The following KLHDC2 variants were observed in gnomAD, a reference collection of about 807,000 sequenced individuals.
KLHDC2 encodes kelch domain-containing protein 2.
KLHDC2 carries 38 observed loss-of-function variants against 62.3 expected under a neutral mutation model. The ratio of observed to expected loss-of-function variants is 0.61; its 90% CI spans 0.47 to 0.80. The LOEUF is 0.80. KLHDC2 is among the 30% of genes least tolerant of loss of function. The pLI, the probability that KLHDC2 is intolerant of heterozygous loss-of-function variation, is 0.00. For missense variants in KLHDC2, 430 were observed against 495.3 expected, an observed-to-expected ratio of 0.87 and a Z score of 1.25; for synonymous variants, 159 against 161.0, an observed-to-expected ratio of 0.99 and a Z score of 0.09.
chr14:49,781,894 T>TC (rs1309963146), intron 10 of KLHDC2, among the ~76,000 whole-genome samples: 1 of 152,174 alleles, frequency 6.6e-6, no homozygotes, highest in African/African-American at 2.4e-5. Flanking sequence ...CTGCATTTTT[T>TC]CCCCAAGTAT....
rs1889861426 is a variant in KLHDC2 at position 49,780,229 on chromosome 14, T to C, written c.790T>C (p.Cys264Arg). ...EWNELIPQGI[C>R]PVGRSWHSLT... Reference sequence around the variant, plus strand: ...TATTTTCAGAATTCCACAAGGCATATGCCCAGTTGGTCGATCTTGGCACTC... The same window carrying C: ...TATTTTCAGAATTCCACAAGGCATACGCCCAGTTGGTCGATCTTGGCACTC... Residue 264 changes from cysteine (C) to arginine (R), a missense_variant, in exon 9 of 13, where the codon TGC becomes CGC. By Grantham distance (180) the Cys-to-Arg change is radical (BLOSUM62 -3). Coordinates refer to ENST00000298307, the MANE Select transcript of KLHDC2 (RefSeq NM_014315.3). The C allele has an allele frequency of 1.2e-6, 2 of 1,610,002 alleles. No homozygotes were observed. The highest frequency in any genetic ancestry group is 1.6e-4 in the Middle Eastern group (1 of 6,062).
At position 49,780,697 on chromosome 14, in the gene KLHDC2, A is replaced by C. The variant is rs1389820228; in HGVS notation, c.884-6A>C. On this transcript the variant is annotated splice_region_variant and splice_polypyrimidine_tract_variant and intron_variant, in intron 9 of 12. Transcript: ENST00000298307. ...CTAACATACTTCATTTCTTTGCTTGAATCAGGTGATGCCTGGACTTACTGC... is the reference window on the plus strand; with the variant it reads ...CTAACATACTTCATTTCTTTGCTTGCATCAGGTGATGCCTGGACTTACTGC... 1 of 1,590,150 alleles carries C rather than the reference A, an allele frequency of 6.3e-7. No homozygotes were observed. Among genetic ancestry groups the C allele is most frequent in the South Asian group, 1.1e-5 (1 of 90,630 alleles).
At chr14:49,780,137 T>G in intron 8 of KLHDC2, 76 bp from the exon 9 acceptor site, 1 of 962,322 alleles carries the variant, frequency 1.0e-6, no homozygotes, top group South Asian at 1.4e-5. Context: ...CATGTACATA[T>G]AAATTTTAAA....
At chr14:49,776,027 G>GACA (rs1889765713) in intron 3 of KLHDC2, among the ~76,000 whole-genome samples, 1 of 152,152 alleles carries the variant, frequency 6.6e-6, no homozygotes, top group Admixed American at 6.5e-5. Flanking sequence ...GATGCCTTGG[G>GACA]ACACCTGTGG....
Position 49,785,386 on chromosome 14 carries a change from C to T in KLHDC2, c.*2433C>T. 1 of 1,021,542 alleles carries T rather than the reference C, an allele frequency of 9.8e-7. No individual in the cohort carries two copies. The highest frequency in any genetic ancestry group is 1.6e-6 in the Non-Finnish European group (1 of 642,686). 63.3% of individuals were successfully genotyped at this position (1,021,542 alleles called of 1,614,324 possible). ...GCCCTTTACAAAAAATGCTAAAACA[C>T]TTGAATTAGTATCTCAACATATTTT... On this transcript the variant is annotated 3_prime_UTR_variant, in exon 13 of 13. Transcript: ENST00000298307.
At chr14:49,775,478 T>C (rs531581526) in intron 3 of KLHDC2, among the ~76,000 whole-genome samples, 6 of 152,302 alleles carry the variant, frequency 3.9e-5, no homozygotes, top group South Asian at 2.1e-4. Flanking sequence ...GTAAGTATTG[T>C]TGAAACTGAA....
chr14:49,771,401 C>T (rs1319118935), intron 1 of KLHDC2, among the ~76,000 whole-genome samples, 193 bp from the exon 2 acceptor site: 1 of 151,528 alleles, frequency 6.6e-6, no homozygotes, highest in Non-Finnish European at 1.5e-5. Flanking sequence ...ACTGCTGTAT[C>T]AAAATTCTGA....
chr14:49,774,788 T>G lies in KLHDC2; in HGVS notation c.351+110T>G, dbSNP rs199916136. The G allele has an allele frequency of 3.9e-6, 3 of 770,372 alleles. No homozygotes were observed. The East Asian group carries it at 7.3e-5, about 19-fold the overall frequency. The allele number at this position is 770,372 out of a possible 1,614,324, so 47.7% of individuals were successfully genotyped here. A position where few individuals can be genotyped will look rare whatever the true frequency, so the allele number is the denominator to read the frequency against. ...GACTTATTTGTGTCACAGTTAAAAA[T>G]GATGTGTACTTGATTATGATATGAA... On this transcript the variant is annotated intron_variant, in intron 3 of 12. Coordinates refer to ENST00000298307, the MANE Select transcript of KLHDC2 (RefSeq NM_014315.3).
intron 3 of KLHDC2, 194 bp downstream of exon 3, chr14:49,774,872 AC>A: frequency 1.7e-6 from 1 of 572,466 alleles, no homozygotes; most frequent in African/African-American, 1.9e-5. Flanking sequence ...TGTAAAATCA[AC>A]TTTTGTTGGT....
chr14:49,775,633 T>C (rs1464412491), intron 3 of KLHDC2, among the ~76,000 whole-genome samples: 3 of 146,896 alleles, frequency 2.0e-5, no homozygotes, highest in Non-Finnish European at 3.0e-5. Flanking sequence ...TTTTTTTTTT[T>C]TTTTTCGGAT....
At chr14:49,775,048 G>C (rs1889742342) in intron 3 of KLHDC2, among the ~76,000 whole-genome samples, 1 of 152,182 alleles carries the variant, frequency 6.6e-6, no homozygotes, top group African/African-American at 2.4e-5. Flanking sequence ...CAACCAGTCA[G>C]AAAGCTGTAA....
intron 1 of KLHDC2, chr14:49,769,071 G>C (rs189501958): frequency 1.7e-4 from 26 of 155,802 alleles, no homozygotes; most frequent in Non-Finnish European, 3.3e-4. Flanking sequence ...CCGAGGTGTA[G>C]GAAAACTGGA....
At position 49,784,758 on chromosome 14, in the gene KLHDC2, AATC is replaced by A; in HGVS notation, c.*1808_*1810del. The A allele has an allele frequency of 3.3e-6, 5 of 1,524,456 alleles. No individual in the cohort carries two copies. Among genetic ancestry groups the A allele is most frequent in the Non-Finnish European group, 4.5e-6 (5 of 1,108,110 alleles). 94.4% of individuals were successfully genotyped at this position (1,524,456 alleles called of 1,614,324 possible). A position where few individuals can be genotyped will look rare whatever the true frequency, so the allele number is the denominator to read the frequency against. ...GAATATCTTCACATCCTGTATGGTC[AATC>A]ATGTTTCTTTTATGACAAAAACGAA... On this transcript the variant is annotated 3_prime_UTR_variant, in exon 13 of 13. Coordinates refer to ENST00000298307, the MANE Select transcript of KLHDC2 (RefSeq NM_014315.3).
At chr14:49,774,506 AG>A (rs1370313411) in intron 2 of KLHDC2, 54 bp from the exon 3 acceptor site, 1 of 1,080,510 alleles carries the variant, frequency 9.3e-7, no homozygotes, top group Non-Finnish European at 1.4e-6. Context: ...AAAAATTAAT[AG>A]ACTTTTGCAT....
rs1890056736 is a variant in KLHDC2 at position 49,784,309 on chromosome 14, A to G, written c.*1356A>G. On this transcript the variant is annotated 3_prime_UTR_variant, in exon 13 of 13. Transcript: ENST00000298307. Reference sequence around the variant, plus strand: ...ACCAAGTCAATAGTTTAAGCAATCAAGCCACTTCACTGTTCAGTTTCTTTA... The same window carrying G: ...ACCAAGTCAATAGTTTAAGCAATCAGGCCACTTCACTGTTCAGTTTCTTTA... The G allele has an allele frequency of 3.0e-5, 6 of 198,694 alleles. No individual in the cohort carries two copies. In the South Asian group the frequency reaches 7.8e-4, roughly 26 times the overall value. 12.3% of individuals were successfully genotyped at this position (198,694 alleles called of 1,614,324 possible). A position where few individuals can be genotyped will look rare whatever the true frequency, so the allele number is the denominator to read the frequency against.
At chr14:49,769,704 A>C (rs1398742003) in intron 1 of KLHDC2, among the ~76,000 whole-genome samples, 1 of 152,066 alleles carries the variant, frequency 6.6e-6, no homozygotes, top group East Asian at 1.9e-4. Context: ...TGGGAGGCCA[A>C]GGTAGGTGGA....
rs1179246601 is a variant in KLHDC2 at position 49,784,465 on chromosome 14, T to G, written c.*1512T>G. On this transcript the variant is annotated 3_prime_UTR_variant, in exon 13 of 13. Coordinates refer to ENST00000298307, the MANE Select transcript of KLHDC2 (RefSeq NM_014315.3). ...AAATCCTATCATAGACAGTGTTTCCTCTATATAAAACTGGGAAAAAACAAG... is the reference window on the plus strand; with the variant it reads ...AAATCCTATCATAGACAGTGTTTCCGCTATATAAAACTGGGAAAAAACAAG... 5.4e-6 allele frequency: 3 copies of G among 555,806 alleles called. No individual in the cohort carries two copies. Among genetic ancestry groups the G allele is most frequent in the African/African-American group, 3.8e-5 (2 of 52,436 alleles). 34.4% of individuals were successfully genotyped at this position (555,806 alleles called of 1,614,324 possible).
chr14:49,780,096 C>T (rs1437757121), intron 8 of KLHDC2, 117 bp from the exon 9 acceptor site: 2 of 698,048 alleles, frequency 2.9e-6, no homozygotes, highest in Non-Finnish European at 4.9e-6. Context: ...ACCAAGAAGC[C>T]TTTTTAAACT....
chr14:49,778,369 A>G (rs1889815737), intron 5 of KLHDC2, 42 bp from the exon 6 acceptor site: 1 of 1,374,224 alleles, frequency 7.3e-7, no homozygotes, highest in Non-Finnish European at 1.0e-6. Flanking sequence ...CTAATTTTAT[A>G]AATATCATTT....
Sources: gnomAD v4.1 joint callset for allele counts (sites outside exome capture counted in the v4.1 genomes callset) on GRCh38, gnomAD v4.1.1 for gene constraint, MANE v1.5 for transcripts, NCBI Gene and HGNC (gene_info 2026-07-23, HGNC 2026-07-21) for gene names.